FRMPD4: variants seen among roughly 807,000 people sequenced by gnomAD.
FRMPD4 encodes the protein FERM and PDZ domain-containing protein 4.
Under a neutral mutation model 94.1 loss-of-function variants are expected in FRMPD4, and 22 were observed. The observed-to-expected ratio is 0.23, with a 90% CI of 0.17 to 0.33. The LOEUF is 0.33. Among genes scored for constraint, FRMPD4 ranks in the 10% least tolerant of loss-of-function variants. The pLI is 1.00. For missense variants in FRMPD4, 1,111 were observed against 1,339.9 expected, an observed-to-expected ratio of 0.83 and a Z score of 2.67; for synonymous variants, 631 against 548.6, an observed-to-expected ratio of 1.15 and a Z score of -2.10.
chrX:12,388,023 A>T (rs376140128), intron 1 of FRMPD4, among the ~76,000 whole-genome samples: 1 of 110,362 alleles, frequency 9.1e-6, no homozygotes, highest in African/African-American at 3.3e-5. Context: ...AATACTGTAC[A>T]GTGATGCCAA....
intron 4 of FRMPD4, among the ~76,000 whole-genome samples, chrX:12,655,563 G>A (rs888128324): frequency 8.0e-5 from 9 of 112,251 alleles, no homozygotes; most frequent in African/African-American, 2.3e-4. Flanking sequence ...CACTTAAAAT[G>A]TTGCTAGTGC....
At chrX:12,092,344 G>T (rs1017436075) in intron 3 of FRMPD4, among the ~76,000 whole-genome samples, 1 of 112,147 alleles carries the variant, frequency 8.9e-6, no homozygotes, top group Non-Finnish European at 1.9e-5. Flanking sequence ...GAGGATCTTG[G>T]ACTGAAACTT....
chrX:11,955,134 T>A (rs1018494657), intron 3 of FRMPD4, among the ~76,000 whole-genome samples: 1 of 111,091 alleles, frequency 9.0e-6, no homozygotes, highest in Non-Finnish European at 1.9e-5. Context: ...CTTCTTTGCA[T>A]CTGTTTGATA....
chrX:12,101,001 C>A (rs1050435830), intron 3 of FRMPD4, among the ~76,000 whole-genome samples: 2 of 112,118 alleles, frequency 1.8e-5, no homozygotes, highest in African/African-American at 6.5e-5. Flanking sequence ...GAACAAAAAG[C>A]AAACTTTATA....
intron 4 of FRMPD4, among the ~76,000 whole-genome samples, chrX:12,633,959 C>T (rs979786392): frequency 4.4e-5 from 5 of 112,415 alleles, no homozygotes; most frequent in African/African-American, 1.6e-4. Context: ...CTATGTGGTA[C>T]ATATGTTAGA....
intron 1 of FRMPD4, among the ~76,000 whole-genome samples, chrX:12,319,708 C>G (rs1161338049): frequency 8.9e-6 from 1 of 111,895 alleles, no homozygotes; most frequent in Non-Finnish European, 1.9e-5. Context: ...AGGAATGTAG[C>G]AAGAAATGAG....
intron 2 of FRMPD4, among the ~76,000 whole-genome samples, chrX:12,574,012 TA>T (rs1458157442): frequency 2.0e-4 from 22 of 112,597 alleles, no homozygotes; most frequent in African/African-American, 6.8e-4. Context: ...TATTTTTATT[TA>T]TTTTTTTGAG....
At chrX:12,417,173 T>C (rs1218569911) in intron 1 of FRMPD4, among the ~76,000 whole-genome samples, 7 of 111,648 alleles carry the variant, frequency 6.3e-5, no homozygotes, top group African/African-American at 2.3e-4. Context: ...CTTTTTGCAT[T>C]GCCATCAGAT....
At chrX:12,327,842 A>G (rs73496859) in intron 1 of FRMPD4, among the ~76,000 whole-genome samples, 6,687 of 110,650 alleles carry the variant, frequency 0.06, 501 homozygotes, top group African/African-American at 0.2. Flanking sequence ...CTGCTAGTAC[A>G]CACTGTGCCT....
intron 1 of FRMPD4, among the ~76,000 whole-genome samples, chrX:12,242,111 C>T (rs1008045139): frequency 8.9e-6 from 1 of 111,743 alleles, no homozygotes; most frequent in African/African-American, 3.3e-5. Context: ...TGTTGCCTGA[C>T]TTTGGAATTG....
intron 1 of FRMPD4, among the ~76,000 whole-genome samples, chrX:12,190,766 C>T (rs1039491577): frequency 1.9e-5 from 2 of 106,330 alleles, no homozygotes; most frequent in Non-Finnish European, 3.9e-5. Flanking sequence ...GGATCACAGA[C>T]CTAGAAGTAA....
intron 3 of FRMPD4, among the ~76,000 whole-genome samples, chrX:11,994,507 G>A (rs768838490): frequency 2.7e-4 from 30 of 111,107 alleles, no homozygotes; most frequent in African/African-American, 9.5e-4. Flanking sequence ...GAAGATTGCA[G>A]GATAGAGTAC....
At chrX:11,989,269 T>C (rs964927960) in intron 3 of FRMPD4, among the ~76,000 whole-genome samples, 3 of 111,851 alleles carry the variant, frequency 2.7e-5, no homozygotes, top group African/African-American at 9.8e-5. Flanking sequence ...GAAAATGTGG[T>C]ACACATACAC....
At chrX:11,931,930 G>C (rs891011247) in intron 3 of FRMPD4, among the ~76,000 whole-genome samples, 2 of 112,167 alleles carry the variant, frequency 1.8e-5, no homozygotes, top group African/African-American at 6.5e-5. Context: ...CTTAAAAAGA[G>C]GATTTGCTAA....
At chrX:12,191,846 G>A (rs760388530) in intron 1 of FRMPD4, among the ~76,000 whole-genome samples, 28 of 111,627 alleles carry the variant, frequency 2.5e-4, no homozygotes, top group Non-Finnish European at 4.3e-4. Flanking sequence ...GTCCAAGCCC[G>A]TAGGATGTAC....
rs375932724 is a variant in FRMPD4 at position 12,415,705 on chromosome X, T to C, written c.42-82975T>C. Among the ~76,000 whole-genome samples, 14 of 112,251 alleles carry C rather than the reference T, an allele frequency of 1.2e-4. No homozygotes were observed. The East Asian group carries it at 3.1e-3, about 25-fold the overall frequency. ...TGTTTGATTATAATGCCCAGCATTATACATGATATATCCAGAGTCTTCCTG... is the reference window on the plus strand; with the variant it reads ...TGTTTGATTATAATGCCCAGCATTACACATGATATATCCAGAGTCTTCCTG... On this transcript the variant is annotated intron_variant, in intron 1 of 16. Transcript: ENST00000675598.
chrX:12,585,514 C>T (rs965574383), intron 2 of FRMPD4, among the ~76,000 whole-genome samples: 24 of 112,117 alleles, frequency 2.1e-4, no homozygotes, highest in Non-Finnish European at 3.0e-4. Flanking sequence ...CCACTGTGCC[C>T]GACCATAATC....
chrX:12,341,358 A>G (rs1427386371), intron 1 of FRMPD4, among the ~76,000 whole-genome samples: 4 of 110,398 alleles, frequency 3.6e-5, no homozygotes, highest in Non-Finnish European at 5.7e-5. Context: ...TTTTTTCTTC[A>G]TGGGTAAGTT....
intron 3 of FRMPD4, among the ~76,000 whole-genome samples, chrX:12,100,125 G>A (rs1380482850): frequency 8.9e-6 from 1 of 112,167 alleles, no homozygotes; most frequent in Non-Finnish European, 1.9e-5. Flanking sequence ...GCCCTTGACT[G>A]AAAAAATTTG....
Sources: gnomAD v4.1 joint callset for allele counts (sites outside exome capture counted in the v4.1 genomes callset) on GRCh38, gnomAD v4.1.1 for gene constraint, MANE v1.5 for transcripts, NCBI Gene and HGNC (gene_info 2026-07-23, HGNC 2026-07-21) for gene names.